Variants in AGL observed in about 807,000 individuals in gnomAD.
The protein encoded by AGL is glycogen debranching enzyme.
In AGL, 128 loss-of-function variants were observed where a neutral mutation model predicts 199.3. That is an observed-to-expected ratio of 0.64 (90% CI 0.56 to 0.74). AGL has a LOEUF of 0.74. AGL is among the 30% of genes least tolerant of loss of function. The pLI is 0.00. For synonymous variants in AGL, 584 were observed against 594.7 expected (o/e 0.98, Z 0.26); for missense variants, 1,809 against 1,820.8 (o/e 0.99, Z 0.12).
At chr1:99,893,870 C>T (rs1046320830) in intron 24 of AGL, among the ~76,000 whole-genome samples, 3 of 152,134 alleles carry the variant, frequency 2.0e-5, no homozygotes, top group Non-Finnish European at 4.4e-5. Context: ...TTGGGGATGT[C>T]TTCCTTTGGT....
At position 99,884,465 on chromosome 1, in the gene AGL, G is replaced by A; in HGVS notation, c.2546+14G>A. The stretch of plus-strand genomic sequence containing the variant: ...TATTATATTCAGGTATGTTAATTGA[G>A]CTCAAACTGTTGACTTTACTTATAT... On this transcript the variant is annotated intron_variant, in intron 19 of 33. Coordinates refer to ENST00000361915, the MANE Select transcript of AGL (RefSeq NM_000642.3). 1 of 1,602,066 alleles carries A rather than the reference G, an allele frequency of 6.2e-7. No individual in the cohort carries two copies. The highest frequency in any genetic ancestry group is 8.5e-7 in the Non-Finnish European group (1 of 1,170,154).
chr1:99,864,365 T>C (rs763407743), intron 4 of AGL, 21 bp from the exon 5 acceptor site: 2 of 1,599,012 alleles, frequency 1.3e-6, no homozygotes, highest in Admixed American at 1.7e-5. Context: ...TACAGTGGTC[T>C]TTCCTTTATT....
intron 2 of AGL, among the ~76,000 whole-genome samples, chr1:99,856,710 AT>A: frequency 6.6e-6 from 1 of 152,246 alleles, no homozygotes; most frequent in Middle Eastern, 3.4e-3. Flanking sequence ...CCCTTAATCC[AT>A]TTAACCCTGA....
At position 99,891,292 on chromosome 1, in the gene AGL, C is replaced by G. The variant is rs34714252; in HGVS notation, c.2885C>G (p.Ser962Cys). The change falls in exon 22 of 34, where the codon TCT (serine) becomes TGT (cysteine). Residue 962 changes from serine to cysteine, a missense_variant. Transcript: ENST00000361915. ...LGHPFCNNLR[S>C]GDWMIDYVSN... ...CATCCTTTTTGTAATAATTTGAGAT[C>G]TGGAGATTGGATGATTGACTATGTC... 4,082 of 1,613,666 alleles carry G rather than the reference C, an allele frequency of 2.5e-3. 90 individuals are homozygous for G. In the African/African-American group the frequency reaches 0.048, roughly 19 times the overall value.
chr1:99,899,564 C>G (rs1481150120), intron 25 of AGL, among the ~76,000 whole-genome samples: 3 of 136,256 alleles, frequency 2.2e-5, no homozygotes, highest in Admixed American at 7.3e-5. Flanking sequence ...CTCTTTCCCT[C>G]CCTCCCTCCC....
intron 27 of AGL, among the ~76,000 whole-genome samples, chr1:99,905,502 T>A (rs1344625630): frequency 1.3e-5 from 2 of 152,210 alleles, no homozygotes; most frequent in Non-Finnish European, 2.9e-5. Flanking sequence ...ATGGAATATC[T>A]TTTCATGTGC....
intron 26 of AGL, 28 bp downstream of exon 26, chr1:99,900,889 T>C (rs753579558): frequency 6.9e-7 from 1 of 1,453,114 alleles, no homozygotes; most frequent in Non-Finnish European, 9.3e-7. Flanking sequence ...AATGTTTTTT[T>C]GTTTTTTTTT....
intron 4 of AGL, 97 bp from the exon 5 acceptor site, chr1:99,864,289 A>T: frequency 8.8e-7 from 1 of 1,140,834 alleles, no homozygotes; most frequent in Non-Finnish European, 1.3e-6. Flanking sequence ...CTTGCTATTT[A>T]TAATTACTTA....
chr1:99,919,033 TG>T (rs1196588128), intron 33 of AGL, among the ~76,000 whole-genome samples: 1 of 152,178 alleles, frequency 6.6e-6, no homozygotes, highest in Non-Finnish European at 1.5e-5. Flanking sequence ...TACAGATACT[TG>T]AGTGGGACCC....
At chr1:99,864,294 TACTTAAGAA>T in intron 4 of AGL, 83 bp from the exon 5 acceptor site, 1 of 1,187,580 alleles carries the variant, frequency 8.4e-7, no homozygotes, top group Non-Finnish European at 1.2e-6. Context: ...TATTTATAAT[TACTTAAGAA>T]AGTTTAAATT....
intron 7 of AGL, among the ~76,000 whole-genome samples, chr1:99,871,862 A>T (rs1460723618): frequency 6.6e-6 from 1 of 151,858 alleles, no homozygotes; most frequent in Non-Finnish European, 1.5e-5. Context: ...AGAATGTATG[A>T]CCTCTTCTTT....
At chr1:99,898,086 A>G (rs970828947) in intron 25 of AGL, among the ~76,000 whole-genome samples, 8 of 147,784 alleles carry the variant, frequency 5.4e-5, no homozygotes, top group South Asian at 2.1e-4. Context: ...TTGCTCTGTC[A>G]CTCAGGCTGG....
intron 24 of AGL, among the ~76,000 whole-genome samples, chr1:99,895,702 C>T (rs1169227268): frequency 6.6e-6 from 1 of 152,174 alleles, no homozygotes; most frequent in Non-Finnish European, 1.5e-5. Flanking sequence ...TGGCCAGGTA[C>T]AGTGGCTCCT....
chr1:99,898,108 G>A (rs376668380), intron 25 of AGL, among the ~76,000 whole-genome samples: 1 of 150,382 alleles, frequency 6.6e-6, no homozygotes, highest in Non-Finnish European at 1.5e-5. Flanking sequence ...GTGCAGTGGC[G>A]CAATCTCCGC....
intron 2 of AGL, among the ~76,000 whole-genome samples, chr1:99,855,545 A>G (rs1371515879): frequency 6.6e-6 from 1 of 152,194 alleles, no homozygotes; most frequent in African/African-American, 2.4e-5. Flanking sequence ...TTACTCCTGT[A>G]ATCCCGGCAC....
rs1441239590 is a variant in AGL, at chr1:99,874,788, C to G, written c.1060C>G (p.Leu354Val). 1 of 1,611,786 alleles carries G rather than the reference C, an allele frequency of 6.2e-7. No homozygotes were observed. The highest frequency in any genetic ancestry group is 1.7e-5 in the Admixed American group (1 of 59,870). Reference sequence around the variant, plus strand: ...CTGTACTGTAGATATGAACATTGCACTAACGACTTTCATACCACATGAGTA... The same window carrying G: ...CTGTACTGTAGATATGAACATTGCAGTAACGACTTTCATACCACATGAGTA... ...FGCTVDMNIA[L>V]TTFIPHDKGP... Residue 354 changes from leucine (L) to valine (V), a missense_variant, in exon 8 of 34, where the codon CTA becomes GTA. Coordinates refer to ENST00000361915, the MANE Select transcript of AGL (RefSeq NM_000642.3).
chr1:99,884,903 C>T (rs1652335809), intron 20 of AGL, among the ~76,000 whole-genome samples, 200 bp downstream of exon 20: 1 of 152,174 alleles, frequency 6.6e-6, no homozygotes, highest in South Asian at 2.1e-4. Context: ...TGTATTCTCT[C>T]TATAGATATA....
rs995793811 is a variant in AGL at position 99,885,262 on chromosome 1, T to C, written c.2681+559T>C. 2.6e-5 allele frequency among the ~76,000 whole-genome samples: 4 copies of C among 152,350 alleles called. No individual in the cohort carries two copies. In the South Asian group the frequency reaches 8.3e-4, roughly 32 times the overall value. The stretch of plus-strand genomic sequence containing the variant: ...CTAGGTTTAACTTTAGCTTCATTAC[T>C]GTCAGTATGATCTTGGATCTATTGT... On this transcript the variant is annotated intron_variant, in intron 20 of 33. Transcript: ENST00000361915.
chr1:99,882,066 C>A (rs1306537539), intron 17 of AGL, among the ~76,000 whole-genome samples: 1 of 150,340 alleles, frequency 6.7e-6, no homozygotes, highest in African/African-American at 2.5e-5. Context: ...TTGAGCCCAG[C>A]AGGCAGTGGT....
Sources: allele counts gnomAD v4.1 joint callset (sites outside exome capture counted in the v4.1 genomes callset), GRCh38; gene constraint gnomAD v4.1.1; transcripts MANE v1.5; gene names NCBI Gene and HGNC (gene_info 2026-07-23, HGNC 2026-07-21).